Variants in CC2D2A observed in about 807,000 individuals in gnomAD.
The protein encoded by CC2D2A is coiled-coil and C2 domain-containing protein 2A.
A neutral mutation model predicts 212.9 loss-of-function variants in CC2D2A; 155 were observed. That is an observed-to-expected ratio of 0.73 (90% CI 0.64 to 0.83). The LOEUF is 0.83. Among genes scored for constraint, CC2D2A ranks in the 40% least tolerant of loss-of-function variants. CC2D2A has a pLI of 0.00. For missense variants in CC2D2A, 1,856 were observed against 1,956.2 expected (o/e 0.95, Z 0.97); for synonymous variants, 667 against 686.5 (o/e 0.97, Z 0.44).
At chr4:15,539,688 A>T (rs1169306051) in intron 16 of CC2D2A, among the ~76,000 whole-genome samples, 1 of 152,242 alleles carries the variant, frequency 6.6e-6, no homozygotes, top group Non-Finnish European at 1.5e-5. Flanking sequence ...CACAAGTACC[A>T]TACCCTATAA....
intron 16 of CC2D2A, among the ~76,000 whole-genome samples, chr4:15,540,441 G>A (rs1210618325): frequency 6.6e-6 from 1 of 152,122 alleles, no homozygotes; most frequent in Non-Finnish European, 1.5e-5. Flanking sequence ...GCTACAATAT[G>A]CTGCTGTATT....
At chr4:15,492,491 CTT>C (rs370840520) in intron 4 of CC2D2A, among the ~76,000 whole-genome samples, 8,553 of 150,548 alleles carry the variant, frequency 0.057, 677 homozygotes, top group African/African-American at 0.18. Flanking sequence ...ATGCCAAATT[CTT>C]TTTTTTGTTT....
chr4:15,475,976 G>A lies in CC2D2A; in HGVS notation c.39+5G>A, dbSNP rs749115942. The A allele has an allele frequency of 6.3e-7, 1 of 1,588,502 alleles. No homozygotes were observed. Among genetic ancestry groups the A allele is most frequent in the Non-Finnish European group, 8.6e-7 (1 of 1,166,546 alleles). ...AAAGTAAAAATAATTACAGAGGTAA[G>A]TGGCCACTTTGATGTCCTCTAGGGA... On this transcript the variant is annotated splice_donor_5th_base_variant and intron_variant, in intron 2 of 36. Coordinates refer to ENST00000424120, the MANE Select transcript of CC2D2A (RefSeq NM_001378615.1).
chr4:15,511,832 G>A (rs1040222389), intron 8 of CC2D2A, among the ~76,000 whole-genome samples: 1 of 152,074 alleles, frequency 6.6e-6, no homozygotes, highest in African/African-American at 2.4e-5. Flanking sequence ...ACCACACCCA[G>A]GCTACAACTC....
intron 8 of CC2D2A, among the ~76,000 whole-genome samples, chr4:15,512,023 C>T (rs750405512): frequency 5.9e-5 from 9 of 152,160 alleles, no homozygotes; most frequent in Non-Finnish European, 1.3e-4. Context: ...CAATGAGATA[C>T]CCCTGCACAT....
chr4:15,590,310 T>C (rs545238100), intron 33 of CC2D2A, among the ~76,000 whole-genome samples: 6 of 151,932 alleles, frequency 3.9e-5, no homozygotes, highest in Non-Finnish European at 8.8e-5. Flanking sequence ...AGGTCAGGAG[T>C]TCGAGACCAG....
At position 15,559,136 on chromosome 4, in the gene CC2D2A, T is replaced by C. The variant is rs1202517994; in HGVS notation, c.2830-29T>C. The C allele has an allele frequency of 2.2e-6, 3 of 1,375,594 alleles. No homozygotes were observed. The African/African-American group carries it at 4.4e-5, about 20-fold the overall frequency. The allele number at this position is 1,375,594 out of a possible 1,614,324, so 85.2% of individuals were successfully genotyped here. A position where few individuals can be genotyped will look rare whatever the true frequency, so the allele number is the denominator to read the frequency against. ...CTTAAGAAAAGCACCAGAGAGTGCT[T>C]TAAAATCATTGCCTCTTTTTAATTT... On this transcript the variant is annotated intron_variant, in intron 21 of 36. Transcript: ENST00000424120.
At chr4:15,530,660 C>T (rs564043984) in intron 13 of CC2D2A, among the ~76,000 whole-genome samples, 1 of 152,190 alleles carries the variant, frequency 6.6e-6, no homozygotes, top group Admixed American at 6.5e-5. Flanking sequence ...TGAGATTTAG[C>T]ATTTCTGACC....
chr4:15,511,376 G>A lies in CC2D2A; in HGVS notation c.670G>A (p.Glu224Lys). Residue 224 changes from glutamate (E) to lysine (K), a missense_variant, in exon 8 of 37, where the codon GAA becomes AAA. Glu to Lys is a moderately conservative substitution (Grantham distance 56). Coordinates refer to ENST00000424120, the MANE Select transcript of CC2D2A (RefSeq NM_001378615.1). ...HRAGTNQEEEEGEEEEPPAQG... is the reference protein window; with the variant it reads ...HRAGTNQEEEKGEEEEPPAQG... Reference sequence around the variant, plus strand: ...AGCGGGAACTAATCAAGAGGAGGAGGAAGGGGAAGAAGAAGAACCACCTGC... The same window carrying A: ...AGCGGGAACTAATCAAGAGGAGGAGAAAGGGGAAGAAGAAGAACCACCTGC... 2 of 1,559,910 alleles carry A rather than the reference G, an allele frequency of 1.3e-6. No homozygotes were observed. Among genetic ancestry groups the A allele is most frequent in the Admixed American group, 4.2e-5 (2 of 47,452 alleles).
chr4:15,545,310 C>T (rs1718654039), intron 17 of CC2D2A, among the ~76,000 whole-genome samples: 1 of 152,132 alleles, frequency 6.6e-6, no homozygotes, highest in African/African-American at 2.4e-5. Flanking sequence ...ATTCTCAAAA[C>T]TATAATGCAT....
chr4:15,481,938 A>G, intron 4 of CC2D2A: 1 of 985,394 alleles, frequency 1.0e-6, no homozygotes, highest in African/African-American at 1.7e-5. Flanking sequence ...GGACACATAT[A>G]CTTCTCCCCC....
chr4:15,592,853 A>C (rs1174211673), intron 33 of CC2D2A, among the ~76,000 whole-genome samples: 1 of 152,174 alleles, frequency 6.6e-6, no homozygotes, highest in Non-Finnish European at 1.5e-5. Context: ...GCAAAACTCA[A>C]ATCATTTTCC....
rs183072237 is a variant in CC2D2A at position 15,594,700 on chromosome 4, C to T, written c.4315-1385C>T. Among the ~76,000 whole-genome samples, 12 of 152,156 alleles carry T rather than the reference C, an allele frequency of 7.9e-5. No individual in the cohort carries two copies. The East Asian group carries it at 1.7e-3, about 22-fold the overall frequency. On this transcript the variant is annotated intron_variant, in intron 33 of 36. Coordinates refer to ENST00000424120, the MANE Select transcript of CC2D2A (RefSeq NM_001378615.1). ...TAGTGGGAGGAACTGCAAAGTAACA[C>T]GAGAAAGGGTATGCATATAGAAAGG... is the stretch of plus-strand genomic sequence containing the variant.
intron 11 of CC2D2A, among the ~76,000 whole-genome samples, chr4:15,520,034 C>T (rs1221015741): frequency 6.6e-6 from 1 of 152,144 alleles, no homozygotes; most frequent in South Asian, 2.1e-4. Flanking sequence ...ATAGAGAAAA[C>T]ACAGGCCCAG....
At chr4:15,559,089 A>T (rs1719434996) in intron 21 of CC2D2A, 76 bp from the exon 22 acceptor site, 1 of 844,746 alleles carries the variant, frequency 1.2e-6, no homozygotes, top group East Asian at 2.7e-5. Flanking sequence ...CTTAAATCAT[A>T]TGTGATAAAT....
At chr4:15,591,546 C>G (rs73237196) in intron 33 of CC2D2A, among the ~76,000 whole-genome samples, 2,796 of 152,254 alleles carry the variant, frequency 0.018, 31 homozygotes, top group Non-Finnish European at 0.029. Flanking sequence ...TTAAGCATTA[C>G]TGCTAAAATT....
In CC2D2A at chr4:15,533,183, T is replaced by C; in HGVS notation, c.1467-10T>C. The stretch of plus-strand genomic sequence containing the variant: ...TTTAATATATACTCATGTGTTATTA[T>C]ATCTTGCAGACAAACAAGAAAATTC... On this transcript the variant is annotated splice_polypyrimidine_tract_variant and intron_variant, in intron 13 of 36. Transcript: ENST00000424120. The C allele has an allele frequency of 6.3e-7, 1 of 1,576,574 alleles. No individual in the cohort carries two copies. Among genetic ancestry groups the C allele is most frequent in the Non-Finnish European group, 8.6e-7 (1 of 1,169,384 alleles).
chr4:15,503,195 C>T (rs1470320838), intron 6 of CC2D2A, among the ~76,000 whole-genome samples: 4 of 151,654 alleles, frequency 2.6e-5, no homozygotes, highest in East Asian at 1.9e-4. Context: ...CCCAGCTACT[C>T]GGGAGGCTGA....
At chr4:15,504,377 A>C (rs1490172795) in intron 6 of CC2D2A, among the ~76,000 whole-genome samples, 1 of 152,212 alleles carries the variant, frequency 6.6e-6, no homozygotes, top group African/African-American at 2.4e-5. Context: ...TAATTTAAAA[A>C]TATTGGAAAA....
Sources: gnomAD v4.1 joint callset for allele counts (sites outside exome capture counted in the v4.1 genomes callset) on GRCh38, gnomAD v4.1.1 for gene constraint, MANE v1.5 for transcripts, NCBI Gene and HGNC (gene_info 2026-07-23, HGNC 2026-07-21) for gene names.